ARL14EPL: variants seen among roughly 807,000 people sequenced by gnomAD.
ARL14EPL encodes ARF like GTPase 14 effector protein like, also known as ARL14 effector protein-like.
A neutral mutation model predicts 15.9 loss-of-function variants in ARL14EPL; 17 were observed. The observed-to-expected ratio is 1.07, with a 90% CI of 0.73 to 1.60. The LOEUF (loss-of-function observed/expected upper bound fraction) is 1.60, where lower values mean the gene tolerates loss of function less well. Ranked by LOEUF, ARL14EPL falls within the 40% of genes most tolerant of loss-of-function variation. The pLI is 0.00. For missense variants in ARL14EPL, 214 were observed against 185.9 expected (o/e 1.15, Z -0.88); for synonymous variants, 78 against 63.8 (o/e 1.22, Z -1.06).
chr5:116,050,313 G>A (rs1749346293), intron 1 of ARL14EPL, among the ~76,000 whole-genome samples: 2 of 152,262 alleles, frequency 1.3e-5, no homozygotes, highest in South Asian at 2.1e-4. Flanking sequence ...TGTAGCCAGC[G>A]TTTAGCTCCC....
intron 1 of ARL14EPL, among the ~76,000 whole-genome samples, chr5:116,050,718 T>C (rs1465371555): frequency 6.6e-6 from 1 of 151,342 alleles, no homozygotes; most frequent in Non-Finnish European, 1.5e-5. Flanking sequence ...TGGTGTTTTC[T>C]GATAGAACAT....
intron 1 of ARL14EPL, among the ~76,000 whole-genome samples, chr5:116,037,525 C>T (rs1347098213): frequency 1.3e-5 from 2 of 151,682 alleles, no homozygotes; most frequent in Non-Finnish European, 1.5e-5. Context: ...CATTCCTGGT[C>T]ACTAAGATAC....
At chr5:116,053,278 G>A (rs1372530780) in intron 2 of ARL14EPL, among the ~76,000 whole-genome samples, 2 of 151,840 alleles carry the variant, frequency 1.3e-5, no homozygotes, top group Non-Finnish European at 2.9e-5. Flanking sequence ...CTTGAGCCCC[G>A]GGGATTGAGG....
chr5:116,047,191 T>G (rs1367061712), intron 1 of ARL14EPL, among the ~76,000 whole-genome samples: 1 of 152,242 alleles, frequency 6.6e-6, no homozygotes, highest in Non-Finnish European at 1.5e-5. Flanking sequence ...AATCCAATCC[T>G]GAAGTCAGAT....
At chr5:116,046,054 C>T (rs750879978) in intron 1 of ARL14EPL, among the ~76,000 whole-genome samples, 19 of 152,236 alleles carry the variant, frequency 1.2e-4, no homozygotes, top group Middle Eastern at 3.4e-3. Flanking sequence ...ACCAGATATG[C>T]CCCTGGTGGG....
At chr5:116,038,575 G>A (rs1396948507) in intron 1 of ARL14EPL, among the ~76,000 whole-genome samples, 2 of 152,218 alleles carry the variant, frequency 1.3e-5, no homozygotes, top group African/African-American at 4.8e-5. Context: ...CAAAGGTTTT[G>A]GAGGAGGAAA....
intron 1 of ARL14EPL, among the ~76,000 whole-genome samples, chr5:116,045,636 T>C (rs1191368169): frequency 6.6e-6 from 1 of 152,180 alleles, no homozygotes; most frequent in Admixed American, 6.5e-5. Flanking sequence ...ATAGCAACTA[T>C]GTGGTGGCAT....
chr5:116,036,052 T>C (rs1749044744), intron 1 of ARL14EPL, among the ~76,000 whole-genome samples: 1 of 152,222 alleles, frequency 6.6e-6, no homozygotes, highest in Admixed American at 6.5e-5. Flanking sequence ...GTCCGAGTCC[T>C]AACATCACAA....
chr5:116,052,177 T>C, intron 2 of ARL14EPL: 7 of 1,609,610 alleles, frequency 4.3e-6, no homozygotes, highest in Non-Finnish European at 6.0e-6. Context: ...GAACTTTGCC[T>C]TTGGACCACT....
chr5:116,058,307 AAAAT>A (rs1749566482), intron 3 of ARL14EPL, among the ~76,000 whole-genome samples: 3 of 152,250 alleles, frequency 2.0e-5, no homozygotes, highest in Non-Finnish European at 4.4e-5. Context: ...TTTTAAGAAA[AAAAT>A]AATCTGTTAG....
At chr5:116,053,265 T>C (rs1398764231) in intron 2 of ARL14EPL, among the ~76,000 whole-genome samples, 1 of 149,910 alleles carries the variant, frequency 6.7e-6, no homozygotes, top group Non-Finnish European at 1.5e-5. Flanking sequence ...GGTGGGAGGA[T>C]CACTTGAGCC....
At chr5:116,051,238 T>C (rs1295099652) in intron 1 of ARL14EPL, 1 of 465,202 alleles carries the variant, frequency 2.1e-6, no homozygotes, top group Non-Finnish European at 3.8e-6. Flanking sequence ...CTATTGATTT[T>C]CTCCTGGAAC....
intron 1 of ARL14EPL, among the ~76,000 whole-genome samples, chr5:116,042,017 C>T (rs1749168700): frequency 6.6e-6 from 1 of 151,864 alleles, no homozygotes; most frequent in Admixed American, 6.6e-5. Context: ...TTTGTAAAGA[C>T]AGGGGGTCTC....
At chr5:116,037,953 A>G (rs1330581259) in intron 1 of ARL14EPL, among the ~76,000 whole-genome samples, 5 of 152,198 alleles carry the variant, frequency 3.3e-5, no homozygotes, top group Non-Finnish European at 2.9e-5. Context: ...AGGTTCATGG[A>G]GAGAAAATGC....
At chr5:116,057,087 G>A (rs2662476) in intron 3 of ARL14EPL, among the ~76,000 whole-genome samples, 86,074 of 151,574 alleles carry the variant, frequency 0.57, 26,012 homozygotes, top group Non-Finnish European at 0.7. Context: ...ATGATCAAGT[G>A]GGCTTCATCC....
chr5:116,044,998 A>G (rs1749237166), intron 1 of ARL14EPL, among the ~76,000 whole-genome samples: 1 of 152,148 alleles, frequency 6.6e-6, no homozygotes, highest in Admixed American at 6.5e-5. Flanking sequence ...GAGGCAACTC[A>G]CATGAAGAAG....
intron 1 of ARL14EPL, among the ~76,000 whole-genome samples, chr5:116,042,773 C>T (rs985880588): frequency 1.3e-5 from 2 of 152,174 alleles, no homozygotes; most frequent in African/African-American, 4.8e-5. Flanking sequence ...TTTCATAAAC[C>T]AGACCCTATA....
At chr5:116,034,327 A>T (rs1373918609) in intron 1 of ARL14EPL, among the ~76,000 whole-genome samples, 1 of 152,126 alleles carries the variant, frequency 6.6e-6, no homozygotes. Context: ...AACAGAGAAT[A>T]CCTATGGTTT....
At chr5:116,038,750 A>C (rs1003653151) in intron 1 of ARL14EPL, among the ~76,000 whole-genome samples, 1 of 152,136 alleles carries the variant, frequency 6.6e-6, no homozygotes, top group African/African-American at 2.4e-5. Flanking sequence ...TGCACTGAGG[A>C]AATAGAGCAC....
Sources: gnomAD v4.1 joint callset for allele counts (sites outside exome capture counted in the v4.1 genomes callset) on GRCh38, gnomAD v4.1.1 for gene constraint, MANE v1.5 for transcripts, NCBI Gene and HGNC (gene_info 2026-07-23, HGNC 2026-07-21) for gene names.